The following INSYN2A variants were observed in gnomAD, a reference collection of about 807,000 sequenced individuals.
The protein encoded by INSYN2A is inhibitory synaptic factor 2A, also known as family with sequence similarity 196 member A.
Under a neutral mutation model 39.4 loss-of-function variants are expected in INSYN2A, and 17 were observed. That is an observed-to-expected ratio of 0.43 (90% CI 0.30 to 0.65). The LOEUF (loss-of-function observed/expected upper bound fraction) is 0.65, where lower values mean the gene tolerates loss of function less well. Among genes scored for constraint, INSYN2A ranks in the 30% least tolerant of loss-of-function variants. The pLI is 0.14. For missense variants in INSYN2A, 595 were observed against 631.2 expected (o/e 0.94, Z 0.61); for synonymous variants, 255 against 265.7 (o/e 0.96, Z 0.39).
intron 4 of INSYN2A, among the ~76,000 whole-genome samples, chr10:127,168,053 C>G (rs2054240496): frequency 6.6e-6 from 1 of 152,172 alleles, no homozygotes; most frequent in Non-Finnish European, 1.5e-5. Context: ...CAGGTATTCT[C>G]AGCTGTTTGT....
chr10:127,156,982 A>C (rs1381586861), intron 4 of INSYN2A, among the ~76,000 whole-genome samples: 1 of 152,228 alleles, frequency 6.6e-6, no homozygotes, highest in African/African-American at 2.4e-5. Context: ...GTACATACTA[A>C]GTGTGAAACA....
At chr10:127,167,483 T>C (rs1325098518) in intron 4 of INSYN2A, among the ~76,000 whole-genome samples, 1 of 152,156 alleles carries the variant, frequency 6.6e-6, no homozygotes, top group Non-Finnish European at 1.5e-5. Context: ...CTTTTATTGA[T>C]GGAGATCTGC....
intron 4 of INSYN2A, among the ~76,000 whole-genome samples, chr10:127,163,672 T>C (rs907713408): frequency 1.3e-5 from 2 of 152,142 alleles, no homozygotes; most frequent in African/African-American, 4.8e-5. Flanking sequence ...TATTAGCCCA[T>C]TTTAAATTTC....
chr10:127,179,054 AAGAG>A (rs1269348125), intron 2 of INSYN2A, among the ~76,000 whole-genome samples: 2 of 152,184 alleles, frequency 1.3e-5, no homozygotes, highest in African/African-American at 2.4e-5. Flanking sequence ...GAAAATTTGA[AAGAG>A]AGAGCATTTT....
chr10:127,180,710 C>CTGTT (rs759565648), intron 2 of INSYN2A, among the ~76,000 whole-genome samples: 89 of 152,212 alleles, frequency 5.8e-4, no homozygotes, highest in Non-Finnish European at 1.1e-3. Context: ...AACTTAATGG[C>CTGTT]TAACAATAGG....
intron 2 of INSYN2A, among the ~76,000 whole-genome samples, chr10:127,179,642 G>A (rs1365899707): frequency 6.6e-6 from 1 of 152,128 alleles, no homozygotes; most frequent in Non-Finnish European, 1.5e-5. Flanking sequence ...TTTATTGGGG[G>A]TGGAGGGTAA....
intron 5 of INSYN2A, chr10:127,146,135 A>C: frequency 2.1e-6 from 1 of 480,860 alleles, no homozygotes; most frequent in Non-Finnish European, 4.1e-6. Context: ...TCTTCCCATG[A>C]AACTGACAGC....
intron 4 of INSYN2A, among the ~76,000 whole-genome samples, chr10:127,161,747 C>T (rs2053610394): frequency 6.6e-6 from 1 of 152,196 alleles, no homozygotes; most frequent in Non-Finnish European, 1.5e-5. Flanking sequence ...TCTGCCAGAA[C>T]ACCTGTCTTG....
chr10:127,158,412 T>G (rs745919429), intron 4 of INSYN2A, among the ~76,000 whole-genome samples: 1 of 152,200 alleles, frequency 6.6e-6, no homozygotes, highest in Non-Finnish European at 1.5e-5. Context: ...GAAGAACATT[T>G]GGATCACAAA....
chr10:127,142,046 A>G (rs547684603), intron 5 of INSYN2A, among the ~76,000 whole-genome samples: 1 of 152,280 alleles, frequency 6.6e-6, no homozygotes, highest in South Asian at 2.1e-4. Context: ...GTGACCAGCT[A>G]CCACAGTCGC....
chr10:127,175,431 G>A lies in INSYN2A; in HGVS notation c.965C>T (p.Pro322Leu), dbSNP rs771416390. The change falls in exon 4 of 6, where the codon CCG (proline) becomes CTG (leucine). Residue 322 changes from proline to leucine, a missense_variant. Coordinates refer to ENST00000522781, the MANE Select transcript of INSYN2A (RefSeq NM_001039762.3). The surrounding 1 kb of genome is among the most constrained non-coding windows in gnomAD (Gnocchi z 6.3). ...CCCCGGCGGGGTGTGAGTCTGCGAC[G>A]GCTGCTCACTACATTCGGGGGACAG... ...QCLSPECSEQPSQTHTPPGLG... is the reference protein window; with the variant it reads ...QCLSPECSEQLSQTHTPPGLG... The A allele has an allele frequency of 1.2e-5, 19 of 1,612,694 alleles. No homozygotes were observed. The African/African-American group carries it at 1.7e-4, about 15-fold the overall frequency.
At chr10:127,166,386 A>G (rs2054093374) in intron 4 of INSYN2A, among the ~76,000 whole-genome samples, 2 of 152,300 alleles carry the variant, frequency 1.3e-5, no homozygotes, top group South Asian at 4.1e-4. Context: ...CTGCATTTTC[A>G]TTAGTTCATG....
chr10:127,193,910 A>G (rs1054075985), intron 1 of INSYN2A, among the ~76,000 whole-genome samples: 1 of 152,208 alleles, frequency 6.6e-6, no homozygotes, highest in East Asian at 1.9e-4. Flanking sequence ...GCAGACATGG[A>G]GCTTCCCAGC....
At chr10:127,159,189 T>G (rs1359730195) in intron 4 of INSYN2A, among the ~76,000 whole-genome samples, 1 of 152,148 alleles carries the variant, frequency 6.6e-6, no homozygotes, top group African/African-American at 2.4e-5. Context: ...TGGAGTCCAG[T>G]TTTTGAGTCA....
intron 4 of INSYN2A, among the ~76,000 whole-genome samples, chr10:127,165,053 A>C (rs1385356159): frequency 6.6e-6 from 1 of 152,238 alleles, no homozygotes; most frequent in Non-Finnish European, 1.5e-5. Flanking sequence ...AACTAGAATG[A>C]AAATAAGAAT....
rs538613176 is a variant in INSYN2A, at chr10:127,138,871, C to T, written c.1257-851G>A. ...CAACTTGTCTAGAGCCCTCTCGTCTCCATGTCTTTGAAAAGGACCACATTT... is the reference window on the plus strand; with the variant it reads ...CAACTTGTCTAGAGCCCTCTCGTCTTCATGTCTTTGAAAAGGACCACATTT... On this transcript the variant is annotated intron_variant, in intron 5 of 5. Coordinates refer to ENST00000522781, the MANE Select transcript of INSYN2A (RefSeq NM_001039762.3). 5.9e-5 allele frequency among the ~76,000 whole-genome samples: 9 copies of T among 152,350 alleles called. No homozygotes were observed. The South Asian group carries it at 1.9e-3, about 32-fold the overall frequency.
intron 4 of INSYN2A, among the ~76,000 whole-genome samples, chr10:127,160,146 A>T (rs1413681969): frequency 6.6e-6 from 1 of 152,106 alleles, no homozygotes; most frequent in African/African-American, 2.4e-5. Flanking sequence ...AGAAAAAAAA[A>T]AAAAAGTCTC....
chr10:127,163,351 T>C (rs2053759574), intron 4 of INSYN2A, among the ~76,000 whole-genome samples: 1 of 151,998 alleles, frequency 6.6e-6, no homozygotes, highest in East Asian at 1.9e-4. Context: ...TTTATCGCCA[T>C]GGAGTATACC....
intron 5 of INSYN2A, among the ~76,000 whole-genome samples, chr10:127,144,753 T>C (rs1770390): frequency 0.82 from 124,060 of 152,160 alleles, 51,514 homozygotes; most frequent in South Asian, 0.92. Context: ...ACACTTTAAA[T>C]ATAGAAATGA....
Sources: allele counts gnomAD v4.1 joint callset (sites outside exome capture counted in the v4.1 genomes callset), GRCh38; gene constraint gnomAD v4.1.1; non-coding constraint Gnocchi (gnomAD v3.1); transcripts MANE v1.5; gene names NCBI Gene and HGNC (gene_info 2026-07-23, HGNC 2026-07-21).